PGCKA1: variants seen among roughly 807,000 people sequenced by gnomAD.
The protein encoded by PGCKA1 is PDCD10 and GCKIII kinases-associated protein 1.
At chr4:37,515,554 T>C in the PGCKA1 span, among the ~76,000 whole-genome samples, 1 of 152,246 alleles carries the variant, frequency 6.6e-6, no homozygotes, top group South Asian at 2.1e-4. Context: ...CATACTACAC[T>C]ATACCACACT....
chr4:37,531,748 C>T, the PGCKA1 span, among the ~76,000 whole-genome samples: 3 of 151,010 alleles, frequency 2.0e-5, no homozygotes, highest in Admixed American at 6.6e-5. Flanking sequence ...AAAAATTAGC[C>T]GGGCGTGGTG....
the PGCKA1 span, among the ~76,000 whole-genome samples, chr4:37,551,332 G>A: frequency 0.15 from 23,048 of 151,944 alleles, 2,173 homozygotes; most frequent in East Asian, 0.43. Context: ...ATGATAAATG[G>A]CCCCCTAAAA....
At chr4:37,551,169 A>G in the PGCKA1 span, among the ~76,000 whole-genome samples, 2 of 152,192 alleles carry the variant, frequency 1.3e-5, no homozygotes, top group African/African-American at 4.8e-5. Flanking sequence ...CATAGAGCCT[A>G]TGCTAAGCTG....
the PGCKA1 span, among the ~76,000 whole-genome samples, chr4:37,466,795 C>T: frequency 6.6e-6 from 1 of 152,122 alleles, no homozygotes; most frequent in Middle Eastern, 3.2e-3. Context: ...ATCCATATAT[C>T]ATCAACATAT....
the PGCKA1 span, among the ~76,000 whole-genome samples, chr4:37,469,578 G>A: frequency 1.3e-5 from 2 of 152,116 alleles, no homozygotes; most frequent in African/African-American, 4.8e-5. Context: ...TGACAAGATT[G>A]TTGTGCCCTG....
the PGCKA1 span, among the ~76,000 whole-genome samples, chr4:37,455,979 G>A: frequency 0.5 from 76,162 of 152,070 alleles, 19,235 homozygotes; most frequent in African/African-American, 0.52. Flanking sequence ...AATTTTTCTG[G>A]TAACCCTGAA....
chr4:37,568,000 CA>C, the PGCKA1 span, among the ~76,000 whole-genome samples: 24,874 of 151,850 alleles, frequency 0.16, 2,330 homozygotes, highest in Non-Finnish European at 0.23. Context: ...GTAATAACAA[CA>C]AAAAAAACCA....
chr4:37,489,474 T>G, the PGCKA1 span, among the ~76,000 whole-genome samples: 1 of 152,184 alleles, frequency 6.6e-6, no homozygotes, highest in Non-Finnish European at 1.5e-5. Context: ...GTCTTCTTAA[T>G]TAATTTTTCA....
At chr4:37,568,415 T>C in the PGCKA1 span, among the ~76,000 whole-genome samples, 1 of 152,196 alleles carries the variant, frequency 6.6e-6, no homozygotes, top group Admixed American at 6.5e-5. Context: ...CCATTCCCAG[T>C]GGAGAAGGGG....
chr4:37,590,320 G>A, the PGCKA1 span: 241 of 1,613,748 alleles, frequency 1.5e-4, 1 homozygote, highest in Admixed American at 3.6e-3. Flanking sequence ...ACAGGGGGAC[G>A]CTGGAGGGGA....
chr4:37,551,013 A>G, the PGCKA1 span, among the ~76,000 whole-genome samples: 2 of 133,526 alleles, frequency 1.5e-5, no homozygotes, highest in Non-Finnish European at 3.4e-5. Flanking sequence ...TAATAGTACC[A>G]TAAAAAAAAA....
the PGCKA1 span, among the ~76,000 whole-genome samples, chr4:37,578,622 C>T: frequency 3.9e-5 from 6 of 151,962 alleles, no homozygotes; most frequent in African/African-American, 1.5e-4. Flanking sequence ...TCTTCCTTTC[C>T]TTCATTTCTT....
the PGCKA1 span, among the ~76,000 whole-genome samples, chr4:37,523,948 A>G: frequency 6.6e-6 from 1 of 152,214 alleles, no homozygotes; most frequent in Non-Finnish European, 1.5e-5. Context: ...AATCCTCTCC[A>G]GGGCTTCAGC....
At chr4:37,548,164 G>A in the PGCKA1 span, among the ~76,000 whole-genome samples, 32 of 149,408 alleles carry the variant, frequency 2.1e-4, no homozygotes, top group South Asian at 1.1e-3. Context: ...TGTGAAAGTC[G>A]TGAAAGAAAA....
At chr4:37,589,813 GT>G in the PGCKA1 span, among the ~76,000 whole-genome samples, 2 of 152,114 alleles carry the variant, frequency 1.3e-5, no homozygotes, top group Non-Finnish European at 2.9e-5. Flanking sequence ...TGTATTTTTA[GT>G]AAAGATGGGG....
At chr4:37,486,634 T>G in the PGCKA1 span, among the ~76,000 whole-genome samples, 1 of 152,166 alleles carries the variant, frequency 6.6e-6, no homozygotes, top group South Asian at 2.1e-4. Flanking sequence ...GACATGAGCT[T>G]AAGAAAGAGA....
At chr4:37,570,073 A>G in the PGCKA1 span, among the ~76,000 whole-genome samples, 2 of 130,394 alleles carry the variant, frequency 1.5e-5, no homozygotes, top group East Asian at 4.6e-4. Flanking sequence ...TCCGCCTCCC[A>G]GGTTCACGCC....
chr4:37,558,406 C>A, the PGCKA1 span, among the ~76,000 whole-genome samples: 17 of 152,132 alleles, frequency 1.1e-4, no homozygotes, highest in African/African-American at 4.1e-4. Flanking sequence ...AATGTCCATG[C>A]CTCAGAACAG....
the PGCKA1 span, among the ~76,000 whole-genome samples, chr4:37,474,651 A>G: frequency 1.3e-5 from 2 of 152,194 alleles, no homozygotes; most frequent in Non-Finnish European, 2.9e-5. Flanking sequence ...TTGAGCACCT[A>G]CTATGTACTA....
Sources: allele counts gnomAD v4.1 joint callset (sites outside exome capture counted in the v4.1 genomes callset), GRCh38; gene constraint gnomAD v4.1.1; transcripts MANE v1.5; gene names NCBI Gene and HGNC (gene_info 2026-07-23, HGNC 2026-07-21).